Variants in SRSF12 observed in about 807,000 individuals in gnomAD.
SRSF12 encodes serine/arginine-rich splicing factor 12.
SRSF12 carries 21 observed loss-of-function variants against 34.1 expected under a neutral mutation model. That is an observed-to-expected ratio of 0.62 (90% confidence interval 0.44 to 0.89). SRSF12 has a LOEUF of 0.89. Among genes scored for constraint, SRSF12 ranks in the 40% least tolerant of loss-of-function variants. SRSF12 has a pLI of 0.00. For synonymous variants in SRSF12, 111 were observed against 110.8 expected (o/e 1.00, Z -0.01); for missense variants, 278 against 327.8 (o/e 0.85, Z 1.17).
chr6:89,099,308 A>C (rs1768399455), intron 4 of SRSF12, among the ~76,000 whole-genome samples: 1 of 151,598 alleles, frequency 6.6e-6, no homozygotes, highest in South Asian at 2.1e-4. Flanking sequence ...TTATAAAAAT[A>C]AAAATCTAGA....
In SRSF12 at chr6:89,096,415, T is replaced by G. The variant is rs1768288942; in HGVS notation, c.*2163A>C. On this transcript the variant is annotated 3_prime_UTR_variant, in exon 5 of 5. Transcript: ENST00000452027. ...GAGTGTTGATGGTTAAATACAAGAG[T>G]GAATAACTTAAGACATATAGAACAG... 6.6e-6 allele frequency: 1 copy of G among 152,020 alleles called. No individual in the cohort carries two copies. The highest frequency in any genetic ancestry group is 6.6e-5 in the Admixed American group (1 of 15,250). The allele number at this position is 152,020 out of a possible 1,614,324, so 9.4% of individuals were successfully genotyped here.
Position 89,098,602 on chromosome 6 carries a change from A to C in SRSF12, c.762T>G (p.Ser254Arg), listed in dbSNP as rs1409118867. 3 of 1,611,882 alleles carry C rather than the reference A, an allele frequency of 1.9e-6. No individual in the cohort carries two copies. In the Admixed American group the frequency reaches 5.0e-5, roughly 27 times the overall value. Residue 254 changes from serine to arginine, a missense_variant, in exon 5 of 5, where the codon AGT (serine) becomes AGG (arginine). Physicochemically the swap from Ser to Arg is moderately radical, Grantham distance 110. Transcript: ENST00000452027. ...SHFRSHSRSR[S>R]YRHKNSW ...TTCACCAACTGTTTTTATGACGATA[A>C]CTTCGAGATCTGGAATGTGACCGAA...
rs1420337056 is a variant in SRSF12, at chr6:89,098,826, A to G, written c.538T>C (p.Ser180Pro). 1.2e-6 allele frequency: 2 copies of G among 1,613,820 alleles called. No individual in the cohort carries two copies. The highest frequency in any genetic ancestry group is 2.2e-5 in the East Asian group (1 of 44,892). The change falls in exon 5 of 5, where the codon TCA becomes CCA. Residue 180 changes from serine to proline, a missense_variant. Coordinates refer to ENST00000452027, the MANE Select transcript of SRSF12 (RefSeq NM_080743.5). ...PRRNFGSRGR[S>P]RSKSLQKRSK... ...CTCTTTTGTAAGGACTTGGACCTTG[A>G]CCGTCCTCTAGAGCCAAAATTCCTT...
intron 1 of SRSF12, among the ~76,000 whole-genome samples, chr6:89,117,195 G>T (rs1256641264): frequency 2.0e-5 from 3 of 152,144 alleles, no homozygotes; most frequent in Non-Finnish European, 4.4e-5. Context: ...CCCTTAAAAA[G>T]GGTGTTAATA....
chr6:89,097,179 A>C lies in SRSF12; in HGVS notation c.*1399T>G, dbSNP rs948802360. On this transcript the variant is annotated 3_prime_UTR_variant, in exon 5 of 5. Transcript: ENST00000452027. ...CTGGCTCCTATATACTAAAAATATA[A>C]GACAGATTTTTTTCTTAAACACTCT... 1 of 152,234 alleles carries C rather than the reference A, an allele frequency of 6.6e-6. No homozygotes were observed. Among genetic ancestry groups the C allele is most frequent in the Admixed American group, 6.5e-5 (1 of 15,276 alleles). The allele number at this position is 152,234 out of a possible 1,614,324, so 9.4% of individuals were successfully genotyped here. A position where few individuals can be genotyped will look rare whatever the true frequency, so the allele number is the denominator to read the frequency against.
Position 89,111,631 on chromosome 6 carries a change from CT to C in SRSF12, c.66-4374del, listed in dbSNP as rs545086393. ...TCTTTCCAATTTTTGTATTTTATAT[CT>C]TTTTTCTTGCCTTGTTGCACTGGTT... On this transcript the variant is annotated intron_variant, in intron 1 of 4. Coordinates refer to ENST00000452027, the MANE Select transcript of SRSF12 (RefSeq NM_080743.5). Among the ~76,000 whole-genome samples the C allele has an allele frequency of 5.5e-3, 832 of 152,062 alleles. 5 individuals are homozygous for C. Among genetic ancestry groups the C allele is most frequent in the Non-Finnish European group, 6.2e-3 (423 of 67,970 alleles).
At chr6:89,103,331 C>CT (rs554480396) in intron 4 of SRSF12, among the ~76,000 whole-genome samples, 407 of 141,348 alleles carry the variant, frequency 2.9e-3, no homozygotes, top group Middle Eastern at 3.8e-3. Flanking sequence ...AATTTAAATT[C>CT]TTTTTTTTTT....
intron 1 of SRSF12, among the ~76,000 whole-genome samples, chr6:89,107,924 T>G (rs1768872824): frequency 6.6e-6 from 1 of 152,186 alleles, no homozygotes; most frequent in African/African-American, 2.4e-5. Flanking sequence ...TTATAAGACC[T>G]AATAAGTAAT....
chr6:89,101,366 G>A (rs1176586594), intron 4 of SRSF12, among the ~76,000 whole-genome samples: 3 of 152,096 alleles, frequency 2.0e-5, no homozygotes, highest in Admixed American at 2.0e-4. Flanking sequence ...ACCCCACATA[G>A]GCAAAGAAAA....
chr6:89,107,757 G>A (rs751006656), intron 1 of SRSF12, among the ~76,000 whole-genome samples: 19 of 151,782 alleles, frequency 1.3e-4, no homozygotes, highest in African/African-American at 2.4e-4. Flanking sequence ...AAGAAAACAC[G>A]AAAAAAACCT....
chr6:89,105,745 A>G (rs1354898032), intron 2 of SRSF12: 3 of 320,310 alleles, frequency 9.4e-6, no homozygotes, highest in Non-Finnish European at 1.7e-5. Context: ...CTAAAAATAA[A>G]AAGAACAAAA....
chr6:89,113,319 G>A (rs1169047715), intron 1 of SRSF12, among the ~76,000 whole-genome samples: 1 of 152,024 alleles, frequency 6.6e-6, no homozygotes, highest in Non-Finnish European at 1.5e-5. Flanking sequence ...GACTACAGGC[G>A]AGTGCCACCA....
At chr6:89,108,751 T>C (rs1476579840) in intron 1 of SRSF12, among the ~76,000 whole-genome samples, 1 of 152,206 alleles carries the variant, frequency 6.6e-6, no homozygotes, top group Non-Finnish European at 1.5e-5. Flanking sequence ...AGAACACTGA[T>C]AAGAGTTCTA....
chr6:89,102,602 A>G (rs908081166), intron 4 of SRSF12, among the ~76,000 whole-genome samples: 1 of 152,214 alleles, frequency 6.6e-6, no homozygotes, highest in Admixed American at 6.5e-5. Flanking sequence ...ATAGTAAAAG[A>G]AGGACGCTAT....
chr6:89,099,450 ATG>A (rs1405711927), intron 4 of SRSF12, among the ~76,000 whole-genome samples: 2 of 138,650 alleles, frequency 1.4e-5, no homozygotes, highest in Non-Finnish European at 3.1e-5. Context: ...ACACATATAT[ATG>A]TGTGTATATA....
At chr6:89,103,984 T>A (rs1406154402) in intron 4 of SRSF12, among the ~76,000 whole-genome samples, 1 of 142,734 alleles carries the variant, frequency 7.0e-6, no homozygotes, top group East Asian at 2.1e-4. Context: ...GGGATTTTAT[T>A]ATATTTCTTT....
rs1156729347 is a variant in SRSF12, at chr6:89,117,968, G to A, written c.-81C>T. The A allele has an allele frequency of 8.3e-6, 12 of 1,442,608 alleles. No homozygotes were observed. The East Asian group carries it at 3.3e-4, about 40-fold the overall frequency. The allele number at this position is 1,442,608 out of a possible 1,614,324, so 89.4% of individuals were successfully genotyped here. On this transcript the variant is annotated 5_prime_UTR_variant, in exon 1 of 5. Transcript: ENST00000452027. ...TCCCGCTACCGCTGCTACCACCACA[G>A]GAGCTCCGCCGGCCCCCGGCGCGAC...
chr6:89,113,469 G>A (rs1233001062), intron 1 of SRSF12, among the ~76,000 whole-genome samples: 1 of 152,090 alleles, frequency 6.6e-6, no homozygotes, highest in Admixed American at 6.5e-5. Flanking sequence ...ACCGCACCCA[G>A]CCCAATTTTT....
At chr6:89,117,400 C>G (rs1485563178) in intron 1 of SRSF12, among the ~76,000 whole-genome samples, 1 of 152,190 alleles carries the variant, frequency 6.6e-6, no homozygotes, top group Non-Finnish European at 1.5e-5. Flanking sequence ...TCCTCTCCAT[C>G]TAGGAGGGTT....
Sources: gnomAD v4.1 joint callset for allele counts (sites outside exome capture counted in the v4.1 genomes callset) on GRCh38, gnomAD v4.1.1 for gene constraint, MANE v1.5 for transcripts, NCBI Gene and HGNC (gene_info 2026-07-23, HGNC 2026-07-21) for gene names.